The following RIC3 variants were observed in gnomAD, a reference collection of about 807,000 sequenced individuals.
The protein encoded by RIC3 is RIC3 acetylcholine receptor chaperone.
In RIC3, 28 loss-of-function variants were observed where a neutral mutation model predicts 27.3. The ratio of observed to expected loss-of-function variants is 1.02; its 90% CI spans 0.76 to 1.41. The LOEUF is 1.41. Among genes scored for constraint, RIC3 ranks in the 40% most tolerant of loss-of-function variants. The pLI is 0.00. For synonymous variants in RIC3, 184 were observed against 160.4 expected (o/e 1.15, Z -1.11); for missense variants, 501 against 444.7 (o/e 1.13, Z -1.14).
At chr11:8,128,890 G>T (rs1947328653) in intron 4 of RIC3, among the ~76,000 whole-genome samples, 1 of 151,714 alleles carries the variant, frequency 6.6e-6, no homozygotes, top group African/African-American at 2.4e-5. Flanking sequence ...GCATAGCTGG[G>T]ACTACAGGCG....
At chr11:8,094,328 C>T in the RIC3 span, 2 of 1,179,266 alleles carry the variant, frequency 1.7e-6, no homozygotes, top group Non-Finnish European at 2.3e-6. Flanking sequence ...CTCTGGGCAC[C>T]CCCTCAGGTG....
rs1945092970 is a variant in RIC3 at position 8,110,236 on chromosome 11, C to T, written c.*462G>A. On this transcript the variant is annotated 3_prime_UTR_variant, in exon 6 of 6. Transcript: ENST00000309737. The stretch of plus-strand genomic sequence containing the variant: ...CCACAAACAAAATGTTCTCTTCTCA[C>T]CAGGGGACTACTAACCTGCTCAAGG... 2 of 253,794 alleles carry T rather than the reference C, an allele frequency of 7.9e-6. No homozygotes were observed. The highest frequency in any genetic ancestry group is 2.2e-5 in the African/African-American group (1 of 44,746). The allele number at this position is 253,794 out of a possible 1,614,324, so 15.7% of individuals were successfully genotyped here.
intron 2 of RIC3, chr11:8,138,568 T>A (rs2133884714): frequency 4.1e-6 from 2 of 487,060 alleles, no homozygotes; most frequent in African/African-American, 2.0e-5. Flanking sequence ...AAAGTAGAGA[T>A]TCCTCTTCAA....
rs1341484457 is a variant in RIC3, at chr11:8,161,897, A to AC, written c.124+6968_124+6969insG. Among the ~76,000 whole-genome samples the AC allele has an allele frequency of 3.4e-4, 50 of 148,080 alleles. 1 individual carries two copies. Among genetic ancestry groups the AC allele is most frequent in the Admixed American group, 2.7e-3 (39 of 14,392 alleles). ...GGAGGTAATGTCCGAAACTGTTGCT[A>AC]TAAATGAGACACTCACTTTCTCCGG... On this transcript the variant is annotated intron_variant, in intron 1 of 5. Transcript: ENST00000309737.
intron 5 of RIC3, among the ~76,000 whole-genome samples, chr11:8,126,246 AACTG>A (rs1419224484): frequency 1.3e-5 from 2 of 152,234 alleles, no homozygotes; most frequent in African/African-American, 4.8e-5. Context: ...ATAAGTATAT[AACTG>A]ACTACTACTC....
At chr11:8,143,481 G>A (rs1949299178) in intron 1 of RIC3, among the ~76,000 whole-genome samples, 1 of 151,052 alleles carries the variant, frequency 6.6e-6, no homozygotes, top group African/African-American at 2.4e-5. Flanking sequence ...GGGATGTGAA[G>A]GACCTCTTCA....
rs1043624568 is a variant in RIC3 at position 8,111,114 on chromosome 11, T to C, written c.694A>G (p.Ile232Val). ...WEGYPEETYP[I>V]YDLSDCIKRR... ...TTGATACAGTCTGAAAGGTCATAAA[T>C]TGGGTAAGTCTCTTCAGGGTAACCT... The change falls in exon 6 of 6, where the codon ATT (isoleucine) becomes GTT (valine). Residue 232 changes from isoleucine to valine, a missense_variant. Transcript: ENST00000309737. 1.9e-6 allele frequency: 3 copies of C among 1,606,864 alleles called. No homozygotes were observed. Among genetic ancestry groups the C allele is most frequent in the Non-Finnish European group, 2.6e-6 (3 of 1,174,256 alleles).
rs59248468 is a variant in RIC3, at chr11:8,163,018, A to AACACACACACACAC, written c.124+5834_124+5847dup. ...CCTTCTTTTTCATCTGGATTATTTA[A>AACACACACACACAC]ACACACACACACACACACACACACA... On this transcript the variant is annotated intron_variant, in intron 1 of 5. Coordinates refer to ENST00000309737, the MANE Select transcript of RIC3 (RefSeq NM_001206671.4). Among the ~76,000 whole-genome samples, 1,304 of 136,004 alleles carry AACACACACACACAC rather than the reference A, an allele frequency of 9.6e-3. 11 individuals carry two copies. Among genetic ancestry groups the AACACACACACACAC allele is most frequent in the African/African-American group, 0.026 (932 of 36,434 alleles). The allele number at this position is 136,004 out of a possible 152,430, so 89.2% of individuals were successfully genotyped here. A position where few individuals can be genotyped will look rare whatever the true frequency, so the allele number is the denominator to read the frequency against.
At chr11:8,152,628 G>A (rs1486837559) in intron 1 of RIC3, among the ~76,000 whole-genome samples, 1 of 152,140 alleles carries the variant, frequency 6.6e-6, no homozygotes, top group East Asian at 1.9e-4. Flanking sequence ...GTGGGGAGGT[G>A]TGTGATTTAA....
At chr11:8,167,212 G>A (rs1420677290) in intron 1 of RIC3, among the ~76,000 whole-genome samples, 1 of 152,016 alleles carries the variant, frequency 6.6e-6, no homozygotes, top group Non-Finnish European at 1.5e-5. Flanking sequence ...ACAAGACAAA[G>A]TCCCTACCCT....
the RIC3 span, chr11:8,096,680 C>T: frequency 6.3e-7 from 1 of 1,582,838 alleles, no homozygotes; most frequent in Non-Finnish European, 8.7e-7. Context: ...CTCTCCTTGG[C>T]CCAGGCATCT....
chr11:8,149,024 C>CAAAAAAAAA (rs34536745), intron 1 of RIC3, among the ~76,000 whole-genome samples: 3 of 96,178 alleles, frequency 3.1e-5, no homozygotes, highest in Admixed American at 1.2e-4. Context: ...ACTAAAAATA[C>CAAAAAAAAA]AAAAAAAAAA....
chr11:8,103,325 T>C (rs1944387486), downstream of RIC3: 1 of 152,176 alleles, frequency 6.6e-6, no homozygotes, highest in Non-Finnish European at 1.5e-5. Context: ...AGATCTGAAA[T>C]TGGTGGGAAG....
downstream of RIC3, chr11:8,101,783 C>G (rs1323571128): frequency 7.7e-7 from 1 of 1,291,642 alleles, no homozygotes; most frequent in East Asian, 2.5e-5. Flanking sequence ...GCTCCTTTGC[C>G]TCTGCTACTG....
chr11:8,135,955 G>C (rs943635797), intron 4 of RIC3: 1 of 152,178 alleles, frequency 6.6e-6, no homozygotes, highest in African/African-American at 2.4e-5. Context: ...ATTTAGTTCA[G>C]AGTGTGGTCC....
chr11:8,121,643 G>A (rs904584513), intron 5 of RIC3, among the ~76,000 whole-genome samples: 1 of 152,058 alleles, frequency 6.6e-6, no homozygotes, highest in Non-Finnish European at 1.5e-5. Flanking sequence ...TTGAACCCAG[G>A]AGGCAGAGGT....
At chr11:8,127,375 G>A (rs553497784) in intron 4 of RIC3, among the ~76,000 whole-genome samples, 2 of 152,104 alleles carry the variant, frequency 1.3e-5, no homozygotes, top group Non-Finnish European at 2.9e-5. Context: ...GAGGAAACTG[G>A]GGTCCACAGA....
intron 4 of RIC3, among the ~76,000 whole-genome samples, chr11:8,130,343 A>G (rs1227631313): frequency 6.6e-6 from 1 of 152,206 alleles, no homozygotes; most frequent in African/African-American, 2.4e-5. Flanking sequence ...CATTAAATTC[A>G]TCCAGGCAAC....
the RIC3 span, chr11:8,100,434 C>A: frequency 5.7e-6 from 7 of 1,238,082 alleles, no homozygotes; most frequent in Non-Finnish European, 8.2e-6. Flanking sequence ...TCTTTATTCC[C>A]GTCCCCCCCA....
Sources: allele counts gnomAD v4.1 joint callset (sites outside exome capture counted in the v4.1 genomes callset), GRCh38; gene constraint gnomAD v4.1.1; transcripts MANE v1.5; gene names NCBI Gene and HGNC (gene_info 2026-07-23, HGNC 2026-07-21).